DCAF4L2: variants seen among roughly 807,000 people sequenced by gnomAD.
DCAF4L2 encodes the protein DDB1 and CUL4 associated factor 4 like 2, also known as DDB1- and CUL4-associated factor 4-like protein 2.
A neutral mutation model predicts 15.5 loss-of-function variants in DCAF4L2; 13 were observed. That is an observed-to-expected ratio of 0.84 (90% CI 0.54 to 1.33). The LOEUF (loss-of-function observed/expected upper bound fraction) is 1.33. Ranked by LOEUF, DCAF4L2 falls within the 40% of genes most tolerant of loss-of-function variation. The pLI is 0.00. For synonymous variants in DCAF4L2, 251 were observed against 207.0 expected, an observed-to-expected ratio of 1.21 and a Z score of -1.83; for missense variants, 519 against 509.6, an observed-to-expected ratio of 1.02 and a Z score of -0.18.
At position 87,872,870 on chromosome 8, in the gene DCAF4L2, A is replaced by G. The variant is rs1809424124; in HGVS notation, c.1102T>C (p.Phe368Leu). ...CGGAAGCCCCCGAGGCGAGAAGAGA[A>G]GGCCACACTGGGAATGTCGTTCTCC... is the stretch of plus-strand genomic sequence containing the variant. Reference protein sequence around the residue: ...ASENDIPSVAFSSRLGGFRGA... With the variant: ...ASENDIPSVALSSRLGGFRGA... Residue 368 changes from phenylalanine to leucine, a missense_variant, in exon 1 of 1, where the codon TTC (phenylalanine) becomes CTC (leucine). Phe to Leu is a conservative substitution (Grantham distance 22). Transcript: ENST00000319675. 1.2e-6 allele frequency: 2 copies of G among 1,614,174 alleles called. No homozygotes were observed. The highest frequency in any genetic ancestry group is 1.7e-6 in the Non-Finnish European group (2 of 1,180,006).
rs144184345 is a variant in DCAF4L2, at chr8:87,873,936, T to A, written c.36A>T (p.Ala12=). 6.2e-7 allele frequency: 1 copy of A among 1,613,958 alleles called. No individual in the cohort carries two copies. Among genetic ancestry groups the A allele is most frequent in the Admixed American group, 1.7e-5 (1 of 59,982 alleles). ...ESKRPRLLEE[A]DKQKKTVRVG... is the part of the protein sequence containing the mutation. ...CTCTGACTGTCTTTTTCTGCTTGTC[T>A]GCTTCCTCGAGCAGTCGCGGTCTTT... Residue 12 remains alanine, a synonymous_variant, in exon 1 of 1, where the codon GCA becomes GCT. Transcript: ENST00000319675.
At position 87,871,508 on chromosome 8, in the gene DCAF4L2, T is replaced by C. The variant is rs1809397565; in HGVS notation, c.*1276A>G. ...TATTTTTGAGGTATTATATAAAGTG[T>C]GAAGTGTATAGACATACAAAATATG... On this transcript the variant is annotated 3_prime_UTR_variant, in exon 1 of 1. Coordinates refer to ENST00000319675, the MANE Select transcript of DCAF4L2 (RefSeq NM_152418.4). 6.6e-6 allele frequency: 1 copy of C among 152,100 alleles called. No homozygotes were observed. Among genetic ancestry groups the C allele is most frequent in the Non-Finnish European group, 1.5e-5 (1 of 67,996 alleles). The allele number at this position is 152,100 out of a possible 1,614,324, so 9.4% of individuals were successfully genotyped here.
At position 87,872,649 on chromosome 8, in the gene DCAF4L2, C is replaced by T. The variant is rs944520539; in HGVS notation, c.*135G>A. ...GAACTATCTTCACATAAAACAGCAC[C>T]TTACCCCTAGCAGCCGGATGGATGG... is the stretch of plus-strand genomic sequence containing the variant. On this transcript the variant is annotated 3_prime_UTR_variant, in exon 1 of 1. Transcript: ENST00000319675. 1 of 913,806 alleles carries T rather than the reference C, an allele frequency of 1.1e-6. No homozygotes were observed. The highest frequency in any genetic ancestry group is 1.6e-6 in the Non-Finnish European group (1 of 627,078). 56.6% of individuals were successfully genotyped at this position (913,806 alleles called of 1,614,324 possible).
At position 87,873,989 on chromosome 8, in the gene DCAF4L2, C is replaced by T. The variant is rs1413980847; in HGVS notation, c.-18G>A. ...CTCTCCATTTCGTTCGGCGGATGTT[C>T]TCCCTCCTGAGGGGAAGTTCTGTCC... On this transcript the variant is annotated 5_prime_UTR_variant, in exon 1 of 1. Transcript: ENST00000319675. 14 of 1,609,000 alleles carry T rather than the reference C, an allele frequency of 8.7e-6. No individual in the cohort carries two copies. The highest frequency in any genetic ancestry group is 2.2e-5 in the East Asian group (1 of 44,796).
rs761269812 is a variant in DCAF4L2 at position 87,873,255 on chromosome 8, C to T, written c.717G>A (p.Leu239=). The change falls in exon 1 of 1, where the codon CTG becomes CTA. Residue 239 remains leucine (L), a synonymous_variant. Transcript: ENST00000319675. ...TCTCCCCAGAGCGACAGCCATTAAA[C>T]AGCAAAGGAGTCATGATTGCAAACT... ...AQQFAIMTPL[L]FNGCRSGEIF... 5 of 1,614,192 alleles carry T rather than the reference C, an allele frequency of 3.1e-6. No individual in the cohort carries two copies. The highest frequency in any genetic ancestry group is 2.7e-5 in the African/African-American group (2 of 75,050).
At position 87,873,063 on chromosome 8, in the gene DCAF4L2, T is replaced by C; in HGVS notation, c.909A>G (p.Lys303=). The change falls in exon 1 of 1, where the codon AAA becomes AAG. Residue 303 remains lysine (K), a synonymous_variant. Transcript: ENST00000319675. ...CATGACCTTCGTACTGTGTTACACA[T>C]TTAGTGGCCCTCAAGTCCCACAGCT... The part of the protein sequence containing the change: ...TIKLWDLRAT[K]CVTQYEGHVN... 6.2e-7 allele frequency: 1 copy of C among 1,614,162 alleles called. No homozygotes were observed. Among genetic ancestry groups the C allele is most frequent in the Non-Finnish European group, 8.5e-7 (1 of 1,180,038 alleles).
In DCAF4L2 at chr8:87,872,444, G is replaced by C. The variant is rs1459262450; in HGVS notation, c.*340C>G. The C allele has an allele frequency of 1.7e-5, 3 of 178,100 alleles. No homozygotes were observed. Among genetic ancestry groups the C allele is most frequent in the Admixed American group, 1.1e-4 (2 of 18,160 alleles). The allele number at this position is 178,100 out of a possible 1,614,324, so 11.0% of individuals were successfully genotyped here. On this transcript the variant is annotated 3_prime_UTR_variant, in exon 1 of 1. Transcript: ENST00000319675. The stretch of plus-strand genomic sequence containing the variant: ...CTCTAAAAGGCTTCTGGTGTAAGCA[G>C]TTTTAATTTATTTTAGTTTTTGCCA...
chr8:87,873,410 A>C lies in DCAF4L2; in HGVS notation c.562T>G (p.Cys188Gly). 6.2e-7 allele frequency: 1 copy of C among 1,614,202 alleles called. No homozygotes were observed. Among genetic ancestry groups the C allele is most frequent in the Non-Finnish European group, 8.5e-7 (1 of 1,180,030 alleles). Reference protein sequence around the residue: ...CSFQIPDAWSCAWSLSIHAYH... With the variant: ...CSFQIPDAWSGAWSLSIHAYH... ...GCGTGGATGCTCAGGGACCAGGCAC[A>C]GGACCAGGCATCAGGGATCTGGAAA... Residue 188 changes from cysteine (C) to glycine (G), a missense_variant, in exon 1 of 1, where the codon TGT (cysteine) becomes GGT (glycine). Transcript: ENST00000319675.
Position 87,873,821 on chromosome 8 carries a change from C to T in DCAF4L2, c.151G>A (p.Val51Ile). The change falls in exon 1 of 1, where the codon GTA (valine) becomes ATA (isoleucine). Residue 51 changes from valine (V) to isoleucine (I), a missense_variant. By Grantham distance (29) the Val-to-Ile change is conservative (BLOSUM62 3). Transcript: ENST00000319675. Reference sequence around the variant, plus strand: ...ACCTTTTTCCTCTGCATGCAGCTTACACGCAGCTCGCGAGCTATACGGCAA... The same window carrying T: ...ACCTTTTTCCTCTGCATGCAGCTTATACGCAGCTCGCGAGCTATACGGCAA... ...NYCRIARELR[V>I]SCMQRKKVQI... The T allele has an allele frequency of 6.2e-7, 1 of 1,614,158 alleles. No individual in the cohort carries two copies. The highest frequency in any genetic ancestry group is 8.5e-7 in the Non-Finnish European group (1 of 1,180,052).
Position 87,871,340 on chromosome 8 carries a change from A to T in DCAF4L2, c.*1444T>A, listed in dbSNP as rs1035653152. ...CTTTCTAGATTACTCTCATCAGCAA[A>T]TCTTACTAATACTACCTTCGAATGA... On this transcript the variant is annotated 3_prime_UTR_variant, in exon 1 of 1. Coordinates refer to ENST00000319675, the MANE Select transcript of DCAF4L2 (RefSeq NM_152418.4). 1 of 155,152 alleles carries T rather than the reference A, an allele frequency of 6.4e-6. No homozygotes were observed. Among genetic ancestry groups the T allele is most frequent in the Non-Finnish European group, 1.5e-5 (1 of 68,020 alleles). 9.6% of individuals were successfully genotyped at this position (155,152 alleles called of 1,614,324 possible).
In DCAF4L2 at chr8:87,873,728, T is replaced by C; in HGVS notation, c.244A>G (p.Asn82Asp). Reference sequence around the variant, plus strand: ...TTCACTGTGAAGAGCTGGTCAGTGTTGGTATTCGCCAGTATGCGGTTAAAT... The same window carrying C: ...TTCACTGTGAAGAGCTGGTCAGTGTCGGTATTCGCCAGTATGCGGTTAAAT... ...DRFNRILANTNTDQLFTVNQV... is the reference protein window; with the variant it reads ...DRFNRILANTDTDQLFTVNQV... The change falls in exon 1 of 1, where the codon AAC (asparagine) becomes GAC (aspartate). Residue 82 changes from asparagine to aspartate, a missense_variant. Asn to Asp is a conservative substitution (Grantham distance 23). Coordinates refer to ENST00000319675, the MANE Select transcript of DCAF4L2 (RefSeq NM_152418.4). The C allele has an allele frequency of 5.0e-6, 8 of 1,614,170 alleles. No individual in the cohort carries two copies. The highest frequency in any genetic ancestry group is 1.1e-5 in the South Asian group (1 of 91,084).
chr8:87,873,494 G>A lies in DCAF4L2; in HGVS notation c.478C>T (p.Pro160Ser). The change falls in exon 1 of 1, where the codon CCA (proline) becomes TCA (serine). Residue 160 changes from proline to serine, a missense_variant. Transcript: ENST00000319675. ...AAGCTACCTATGAACAGCGACGCTG[G>A]GAGCAGCACGGCACAGCTTGGAGTA... ...ADTPSCAVLL[P>S]ASLFIGSFPG... 6.2e-7 allele frequency: 1 copy of A among 1,614,192 alleles called. No homozygotes were observed. The highest frequency in any genetic ancestry group is 8.5e-7 in the Non-Finnish European group (1 of 1,180,048).
In DCAF4L2 at chr8:87,872,955, T is replaced by G; in HGVS notation, c.1017A>C (p.Arg339Ser). 1 of 1,614,064 alleles carries G rather than the reference T, an allele frequency of 6.2e-7. No individual in the cohort carries two copies. The highest frequency in any genetic ancestry group is 8.5e-7 in the Non-Finnish European group (1 of 1,180,008). Residue 339 changes from arginine (R) to serine (S), a missense_variant, in exon 1 of 1, where the codon AGA becomes AGC. Arg to Ser is a moderately radical substitution (Grantham distance 110, BLOSUM62 -1). Coordinates refer to ENST00000319675, the MANE Select transcript of DCAF4L2 (RefSeq NM_152418.4). ...GGTGGCCATGACGGAGGCTCCAGAT[T>G]CTCGTGTAGCAGTCCTGGCCCACGG... ...VAAVGQDCYT[R>S]IWSLRHGHLL...
Position 87,872,928 on chromosome 8 carries a change from C to T in DCAF4L2, c.1044G>A (p.Leu348=). 1 of 1,614,180 alleles carries T rather than the reference C, an allele frequency of 6.2e-7. No homozygotes were observed. The highest frequency in any genetic ancestry group is 8.5e-7 in the Non-Finnish European group (1 of 1,180,026). The part of the protein sequence containing the change: ...TRIWSLRHGH[L]LTTIPSPYPA... The stretch of plus-strand genomic sequence containing the variant: ...GGTATGGGGAGGGTATGGTTGTGAG[C>T]AGGTGGCCATGACGGAGGCTCCAGA... Residue 348 remains leucine, a synonymous_variant, in exon 1 of 1, where the codon CTG becomes CTA. Transcript: ENST00000319675.
rs751935639 is a variant in DCAF4L2 at position 87,873,109 on chromosome 8, G to A, written c.863C>T (p.Ser288Leu). Residue 288 changes from serine (S) to leucine (L), a missense_variant, in exon 1 of 1, where the codon TCA (serine) becomes TTA (leucine). Coordinates refer to ENST00000319675, the MANE Select transcript of DCAF4L2 (RefSeq NM_152418.4). ...ILQDGQFLVS[S>L]DMTGTIKLWD... is the part of the protein sequence containing the mutation. Reference sequence around the variant, plus strand: ...CAGCTTGATAGTTCCAGTCATGTCTGATGACACCAGGAATTGGCCATCTTG... The same window carrying A: ...CAGCTTGATAGTTCCAGTCATGTCTAATGACACCAGGAATTGGCCATCTTG... 1.4e-5 allele frequency: 23 copies of A among 1,614,194 alleles called. No homozygotes were observed. In the South Asian group the frequency reaches 2.5e-4, roughly 18 times the overall value.
chr8:87,873,610 T>A lies in DCAF4L2; in HGVS notation c.362A>T (p.Tyr121Phe). 6.2e-7 allele frequency: 1 copy of A among 1,614,098 alleles called. No homozygotes were observed. Among genetic ancestry groups the A allele is most frequent in the Non-Finnish European group, 8.5e-7 (1 of 1,180,024 alleles). The change falls in exon 1 of 1, where the codon TAC (tyrosine) becomes TTC (phenylalanine). Residue 121 changes from tyrosine (Y) to phenylalanine (F), a missense_variant. Coordinates refer to ENST00000319675, the MANE Select transcript of DCAF4L2 (RefSeq NM_152418.4). ...AGAATTCACCTTCCGATTAGGGACG[T>A]AGAGGGTTTTGTGCGGGTATACCCG... is the stretch of plus-strand genomic sequence containing the variant. ...ELRVYPHKTL[Y>F]VPNRKVNSMC... is the part of the protein sequence containing the mutation.
At position 87,873,824 on chromosome 8, in the gene DCAF4L2, G is replaced by A. The variant is rs1160347234; in HGVS notation, c.148C>T (p.Arg50Cys). 4 of 1,614,082 alleles carry A rather than the reference G, an allele frequency of 2.5e-6. No individual in the cohort carries two copies. The highest frequency in any genetic ancestry group is 1.1e-5 in the South Asian group (1 of 91,078). Residue 50 changes from arginine to cysteine, a missense_variant, in exon 1 of 1, where the codon CGT becomes TGT. Physicochemically the swap from Arg to Cys is radical, Grantham distance 180. Coordinates refer to ENST00000319675, the MANE Select transcript of DCAF4L2 (RefSeq NM_152418.4). ...TTTTTCCTCTGCATGCAGCTTACACGCAGCTCGCGAGCTATACGGCAATAG... is the reference window on the plus strand; with the variant it reads ...TTTTTCCTCTGCATGCAGCTTACACACAGCTCGCGAGCTATACGGCAATAG... Reference protein sequence around the residue: ...ANYCRIARELRVSCMQRKKVQ... With the variant: ...ANYCRIARELCVSCMQRKKVQ...
Position 87,872,761 on chromosome 8 carries a change from C to A in DCAF4L2, c.*23G>T. On this transcript the variant is annotated 3_prime_UTR_variant, in exon 1 of 1. Transcript: ENST00000319675. ...TACTTCTTTAAGTCAAATCCACGTT[C>A]CTCCGGGCTGCATCCTGAAGAATTA... is the stretch of plus-strand genomic sequence containing the variant. The A allele has an allele frequency of 6.5e-7, 1 of 1,534,034 alleles. No homozygotes were observed. The highest frequency in any genetic ancestry group is 2.3e-5 in the East Asian group (1 of 44,264).
Position 87,872,902 on chromosome 8 carries a change from G to C in DCAF4L2, c.1070C>G (p.Pro357Arg). Residue 357 changes from proline (P) to arginine (R), a missense_variant, in exon 1 of 1, where the codon CCC becomes CGC. Transcript: ENST00000319675. ...ACTGGGAATGTCGTTCTCCGAGGCG[G>C]GGTATGGGGAGGGTATGGTTGTGAG... ...HLLTTIPSPY[P>R]ASENDIPSVA... The C allele has an allele frequency of 6.2e-7, 1 of 1,614,166 alleles. No individual in the cohort carries two copies. The highest frequency in any genetic ancestry group is 8.5e-7 in the Non-Finnish European group (1 of 1,180,016).
Sources: gnomAD v4.1 joint callset for allele counts on GRCh38, gnomAD v4.1.1 for gene constraint, MANE v1.5 for transcripts, NCBI Gene and HGNC (gene_info 2026-07-23, HGNC 2026-07-21) for gene names.